KCNG2: variants seen among roughly 807,000 people sequenced by gnomAD.
KCNG2 encodes potassium voltage-gated channel modifier subfamily G member 2.
KCNG2 carries 7 observed loss-of-function variants against 12.3 expected under a neutral mutation model. The ratio of observed to expected loss-of-function variants is 0.57; its 90% CI spans 0.32 to 1.07. The LOEUF (loss-of-function observed/expected upper bound fraction) is 1.07. Among genes scored for constraint, KCNG2 ranks in the 50% least tolerant of loss-of-function variants. KCNG2 has a pLI of 0.04. For synonymous variants in KCNG2, 414 were observed against 351.4 expected, an observed-to-expected ratio of 1.18 and a Z score of -1.99; for missense variants, 703 against 726.0, an observed-to-expected ratio of 0.97 and a Z score of 0.36.
At chr18:79,880,732 TAAA>T (rs1980262782) in intron 3 of KCNG2, among the ~76,000 whole-genome samples, 1 of 152,044 alleles carries the variant, frequency 6.6e-6, no homozygotes, top group East Asian at 1.9e-4. Context: ...GGTAAAGACA[TAAA>T]AAGCACAGCA....
intron 3 of KCNG2, among the ~76,000 whole-genome samples, chr18:79,872,585 A>G (rs1027275532): frequency 6.6e-5 from 10 of 152,156 alleles, no homozygotes; most frequent in Admixed American, 2.6e-4. Context: ...CGCCCGGCCA[A>G]TTCTTTTTCC....
chr18:79,895,760 GGA>G (rs1258275691), intron 3 of KCNG2, among the ~76,000 whole-genome samples: 234 of 115,080 alleles, frequency 2.0e-3, no homozygotes, highest in South Asian at 7.5e-3. Context: ...TTATATAGTT[GGA>G]TCTGTGTCTG....
chr18:79,878,510 G>A (rs1452025267), intron 3 of KCNG2, among the ~76,000 whole-genome samples: 1 of 151,688 alleles, frequency 6.6e-6, no homozygotes, highest in African/African-American at 2.4e-5. Context: ...GGCAGTGTGC[G>A]GAGGGCGCCT....
At chr18:79,799,421 T>C (rs1057082405) in intron 1 of KCNG2, among the ~76,000 whole-genome samples, 2 of 148,602 alleles carry the variant, frequency 1.3e-5, no homozygotes, top group African/African-American at 5.3e-5. Flanking sequence ...GAATTCCTAG[T>C]TAGAGGGATG....
intron 3 of KCNG2, among the ~76,000 whole-genome samples, chr18:79,864,757 A>T (rs987030467): frequency 6.7e-6 from 1 of 149,252 alleles, no homozygotes; most frequent in African/African-American, 2.6e-5. Flanking sequence ...TATGGAACCG[A>T]GGTCTGGGTG....
chr18:79,819,186 G>C (rs2087552682), intron 1 of KCNG2, among the ~76,000 whole-genome samples: 1 of 152,216 alleles, frequency 6.6e-6, no homozygotes, highest in Non-Finnish European at 1.5e-5. Context: ...GGCCGGCGAG[G>C]GCACCCAGGA....
chr18:79,887,198 GACAGGGACACGGGGATATAGGGTC>G (rs1358156128), intron 3 of KCNG2, among the ~76,000 whole-genome samples: 3 of 151,558 alleles, frequency 2.0e-5, no homozygotes, highest in African/African-American at 4.9e-5. Context: ...GACAGATGGG[GACAGGGACACGGGGATATAGGGTC>G]ACAGGGACAG....
chr18:79,806,617 A>G (rs2087451838), intron 1 of KCNG2, among the ~76,000 whole-genome samples: 2 of 152,198 alleles, frequency 1.3e-5, no homozygotes, highest in South Asian at 4.1e-4. Context: ...TTTTTAGAAA[A>G]AAATTGGTAA....
At chr18:79,881,914 G>A (rs1980310498) in intron 3 of KCNG2, among the ~76,000 whole-genome samples, 1 of 152,184 alleles carries the variant, frequency 6.6e-6, no homozygotes, top group African/African-American at 2.4e-5. Context: ...CATGAATGGG[G>A]CCAGCCGGCG....
At chr18:79,868,626 G>A (rs778912488) in intron 3 of KCNG2, among the ~76,000 whole-genome samples, 11 of 152,338 alleles carry the variant, frequency 7.2e-5, no homozygotes, top group South Asian at 2.1e-4. Flanking sequence ...GCTTCCAAGC[G>A]TCCAGCTGGG....
chr18:79,848,046 G>A (rs1005058682), intron 1 of KCNG2, among the ~76,000 whole-genome samples: 2 of 152,192 alleles, frequency 1.3e-5, no homozygotes, highest in African/African-American at 2.4e-5. Context: ...GGGGTGCGGT[G>A]CATGGACCCT....
intron 1 of KCNG2, among the ~76,000 whole-genome samples, chr18:79,850,057 CCTT>C (rs1011341785): frequency 1.3e-5 from 2 of 152,212 alleles, no homozygotes; most frequent in African/African-American, 4.8e-5. Flanking sequence ...GCTCTCCTGA[CCTT>C]CTGCCTCCCC....
chr18:79,849,787 G>A (rs1352014381), intron 1 of KCNG2, among the ~76,000 whole-genome samples: 1 of 152,218 alleles, frequency 6.6e-6, no homozygotes, highest in Non-Finnish European at 1.5e-5. Context: ...GCAGGAGCGC[G>A]TGGAAGACCC....
At position 79,882,727 on chromosome 18, in the gene KCNG2, G is replaced by C. The variant is rs139712627; in HGVS notation, c.625-16313G>C. ...CAGGACCTGCAGGCCATGGAGTGGC[G>C]AGGCTGCCATGGAGTGGCGAGGCTG... On this transcript the variant is annotated intron_variant, in intron 3 of 3. Coordinates refer to ENST00000316249, the MANE Select transcript of KCNG2 (RefSeq NM_012283.2). Among the ~76,000 whole-genome samples the C allele has an allele frequency of 3.5e-3, 525 of 150,674 alleles. 5 individuals are homozygous for C. Among genetic ancestry groups the C allele is most frequent in the African/African-American group, 0.012 (503 of 41,384 alleles).
intron 1 of KCNG2, among the ~76,000 whole-genome samples, chr18:79,815,719 G>A (rs1166639889): frequency 2.0e-5 from 3 of 152,174 alleles, no homozygotes; most frequent in Non-Finnish European, 2.9e-5. Context: ...GAGAAAAGAG[G>A]GGCTGTTAGG....
At chr18:79,850,285 A>C (rs775667111) in intron 1 of KCNG2, among the ~76,000 whole-genome samples, 1 of 152,218 alleles carries the variant, frequency 6.6e-6, no homozygotes, top group Non-Finnish European at 1.5e-5. Context: ...GAGGTGATTA[A>C]AGTTTGTATA....
intron 3 of KCNG2, among the ~76,000 whole-genome samples, chr18:79,890,846 C>T (rs753477456): frequency 1.3e-5 from 2 of 152,174 alleles, no homozygotes; most frequent in South Asian, 2.1e-4. Flanking sequence ...ACTGTGACGG[C>T]GCACGATTAT....
chr18:79,880,965 A>G (rs1980270555), intron 3 of KCNG2, among the ~76,000 whole-genome samples: 1 of 152,256 alleles, frequency 6.6e-6, no homozygotes, highest in Non-Finnish European at 1.5e-5. Flanking sequence ...TTTTCCTGAT[A>G]GAGAACATCT....
rs749551128 is a variant in KCNG2, at chr18:79,899,351, C to A, written c.936C>A (p.Gly312=). The change falls in exon 4 of 4, where the codon GGC becomes GGA. Residue 312 remains glycine (G), a synonymous_variant. Transcript: ENST00000316249. ...ACTCGCTGGGGCTGCGTTCGCTGGGCCTGACCATGCGCCGCTGCGCGCGCG... is the reference window on the plus strand; with the variant it reads ...ACTCGCTGGGGCTGCGTTCGCTGGGACTGACCATGCGCCGCTGCGCGCGCG... ...ARHSLGLRSL[G]LTMRRCAREF... The A allele has an allele frequency of 1.3e-6, 2 of 1,555,678 alleles. No homozygotes were observed. Among genetic ancestry groups the A allele is most frequent in the Admixed American group, 3.8e-5 (2 of 52,610 alleles).
Sources: gnomAD v4.1 joint callset for allele counts (sites outside exome capture counted in the v4.1 genomes callset) on GRCh38, gnomAD v4.1.1 for gene constraint, MANE v1.5 for transcripts, NCBI Gene and HGNC (gene_info 2026-07-23, HGNC 2026-07-21) for gene names.